Variants in BTNL3 observed in about 807,000 individuals in gnomAD.
The protein encoded by BTNL3 is butyrophilin like 3.
BTNL3 carries 20 observed loss-of-function variants against 40.1 expected under a neutral mutation model. The observed-to-expected ratio is 0.50, with a 90% CI of 0.35 to 0.72. The LOEUF is 0.72. BTNL3 is among the 30% of genes least tolerant of loss of function. The probability of loss-of-function intolerance (pLI) is 0.01; values close to 1 mark genes in which losing one functional copy is unlikely to be tolerated. For synonymous variants in BTNL3, 179 were observed against 222.1 expected, an observed-to-expected ratio of 0.81 and a Z score of 1.73; for missense variants, 449 against 582.2, an observed-to-expected ratio of 0.77 and a Z score of 2.35.
Position 181,005,514 on chromosome 5 carries a change from G to T in BTNL3, c.1043G>T (p.Gly348Val), listed in dbSNP as rs1349216688. 1 of 1,614,142 alleles carries T rather than the reference G, an allele frequency of 6.2e-7. No individual in the cohort carries two copies. Among genetic ancestry groups the T allele is most frequent in the South Asian group, 1.1e-5 (1 of 91,076 alleles). ...AAACATTACTGGGAGGTGGACGTGG[G>T]ACAAAATGTAGGGTGGTATGTGGGA... The part of the protein sequence containing the change: ...AGKHYWEVDV[G>V]QNVGWYVGVC... Residue 348 changes from glycine to valine, a missense_variant, in exon 8 of 8, where the codon GGA (glycine) becomes GTA (valine). Gly to Val is a moderately radical substitution (Grantham distance 109). Around this residue, in one of 2 missense-constraint regions of BTNL3, gnomAD observed 323 missense variants for 464.9 expected, o/e 0.69. Transcript: ENST00000342868.
At position 180,992,924 on chromosome 5, in the gene BTNL3, G is replaced by T. The variant is rs377047279; in HGVS notation, c.161G>T (p.Arg54Leu). 1 of 1,463,108 alleles carries T rather than the reference G, an allele frequency of 6.8e-7. No homozygotes were observed. The highest frequency in any genetic ancestry group is 1.9e-5 in the Admixed American group (1 of 53,170). 90.6% of individuals were successfully genotyped at this position (1,463,108 alleles called of 1,614,324 possible). A position where few individuals can be genotyped will look rare whatever the true frequency, so the allele number is the denominator to read the frequency against. The change falls in exon 2 of 8, where the codon CGG becomes CTG. Residue 54 changes from arginine to leucine, a missense_variant. Transcript: ENST00000342868. ...PETSAEAMEVRFFRNQFHAVV... is the reference protein window; with the variant it reads ...PETSAEAMEVLFFRNQFHAVV... ...ACCAGTGCAGAGGCTATGGAAGTGC[G>T]GTTCTTCAGGAATCAGTTCCATGCT...
At chr5:180,997,130 G>A (rs1760044599) in intron 2 of BTNL3, 83 bp from the exon 3 acceptor site, 1 of 1,442,366 alleles carries the variant, frequency 6.9e-7, no homozygotes, top group African/African-American at 1.4e-5. Context: ...TGTGTTATGG[G>A]TACAGGCTTG....
In BTNL3 at chr5:180,997,229, T is replaced by A. The variant is rs202123434; in HGVS notation, c.414T>A (p.Pro138=). Residue 138 remains proline, a synonymous_variant, in exon 3 of 8, where the codon CCT becomes CCA. Coordinates refer to ENST00000342868, the MANE Select transcript of BTNL3 (RefSeq NM_197975.3). ...ELRVAALGSL[P]LISIVGYVDG... is the part of the protein sequence containing the mutation. The stretch of plus-strand genomic sequence containing the variant: ...TCTTCCCAGCACTGGGCTCACTTCC[T>A]CTCATTTCCATCGTGGGATATGTTG... 1.5e-5 allele frequency: 22 copies of A among 1,464,438 alleles called. 4 individuals are homozygous for A. The African/African-American group carries it at 2.3e-4, about 16-fold the overall frequency. 90.7% of individuals were successfully genotyped at this position (1,464,438 alleles called of 1,614,324 possible).
chr5:180,998,131 C>A (rs1417770666), intron 3 of BTNL3, among the ~76,000 whole-genome samples: 2 of 135,456 alleles, frequency 1.5e-5, no homozygotes, highest in Non-Finnish European at 3.4e-5. Flanking sequence ...ATCTCAATGG[C>A]AATTCATAAG....
chr5:181,003,887 T>C lies in BTNL3; in HGVS notation c.808+11T>C, dbSNP rs1266206815. 10 of 1,614,022 alleles carry C rather than the reference T, an allele frequency of 6.2e-6. No homozygotes were observed. The highest frequency in any genetic ancestry group is 7.6e-6 in the Non-Finnish European group (9 of 1,180,038). On this transcript the variant is annotated intron_variant, in intron 5 of 7. Transcript: ENST00000342868. The stretch of plus-strand genomic sequence containing the variant: ...TCCAGGCGGAACTGGGTATGTGTCA[T>C]GTCCTGAGCCTCCCACACATGGTTC...
intron 3 of BTNL3, among the ~76,000 whole-genome samples, chr5:181,000,978 A>C (rs1760101215): frequency 7.3e-6 from 1 of 136,232 alleles, no homozygotes; most frequent in African/African-American, 2.5e-5. Flanking sequence ...TTTAGAAAGA[A>C]AAAAATTAAA....
Position 180,988,954 on chromosome 5 carries a change from C to A in BTNL3, c.-75C>A. On this transcript the variant is annotated 5_prime_UTR_variant, in exon 1 of 8. Coordinates refer to ENST00000342868, the MANE Select transcript of BTNL3 (RefSeq NM_197975.3). ...CGGCTCCTGCGCCTGAGACAGCTGG[C>A]CTGACCTCCAAATCATCCATCCACC... 1.4e-6 allele frequency: 2 copies of A among 1,389,128 alleles called. 1 individual carries two copies. 86.1% of individuals were successfully genotyped at this position (1,389,128 alleles called of 1,614,324 possible).
At chr5:180,989,706 G>A (rs1459571720) in intron 1 of BTNL3, among the ~76,000 whole-genome samples, 1 of 134,874 alleles carries the variant, frequency 7.4e-6, no homozygotes, top group Non-Finnish European at 1.7e-5. Context: ...AGAGATAGGG[G>A]CTGGAGTAGA....
chr5:180,993,949 C>A (rs192516309), intron 2 of BTNL3, among the ~76,000 whole-genome samples: 1 of 136,046 alleles, frequency 7.4e-6, no homozygotes, highest in Non-Finnish European at 1.7e-5. Context: ...TACAGGCATG[C>A]GCCACCACAC....
rs1760226512 is a variant in BTNL3 at position 181,006,066 on chromosome 5, A to T, written c.*194A>T. 2 of 617,258 alleles carry T rather than the reference A, an allele frequency of 3.2e-6. No individual in the cohort carries two copies. The highest frequency in any genetic ancestry group is 6.5e-5 in the Admixed American group (2 of 30,780). The allele number at this position is 617,258 out of a possible 1,614,324, so 38.2% of individuals were successfully genotyped here. On this transcript the variant is annotated 3_prime_UTR_variant, in exon 8 of 8. Coordinates refer to ENST00000342868, the MANE Select transcript of BTNL3 (RefSeq NM_197975.3). ...CAGCGGCAGTCACAGCTTCCAGATG[A>T]GGGGGGATTGGCCTGACCCTGTGGG...
chr5:181,002,659 G>A lies in BTNL3; in HGVS notation c.674-13G>A. ...CTTAGCTATCACTAAGGGTCTGTGG[G>A]ACTGTTTTTCAGAGACGTTTTTCCA... On this transcript the variant is annotated splice_polypyrimidine_tract_variant and intron_variant, in intron 3 of 7. Coordinates refer to ENST00000342868, the MANE Select transcript of BTNL3 (RefSeq NM_197975.3). 1 of 1,452,656 alleles carries A rather than the reference G, an allele frequency of 6.9e-7. No individual in the cohort carries two copies. The highest frequency in any genetic ancestry group is 1.1e-5 in the South Asian group (1 of 89,054). The allele number at this position is 1,452,656 out of a possible 1,614,324, so 90.0% of individuals were successfully genotyped here.
In BTNL3 at chr5:181,005,992, C is replaced by T. The variant is rs552573406; in HGVS notation, c.*120C>T. ...GAGCCTGCGCACAGAGAGTCACGCC[C>T]CCCACTCTCCTTTAGGGAGCTGAGG... On this transcript the variant is annotated 3_prime_UTR_variant, in exon 8 of 8. Transcript: ENST00000342868. 4.6e-5 allele frequency: 53 copies of T among 1,142,224 alleles called. No individual in the cohort carries two copies. In the South Asian group the frequency reaches 8.1e-4, roughly 17 times the overall value. 70.8% of individuals were successfully genotyped at this position (1,142,224 alleles called of 1,614,324 possible).
In BTNL3 at chr5:181,005,774, T is replaced by A; in HGVS notation, c.1303T>A (p.Cys435Ser). ...DQSLIYTLLT[C>S]QFEGLLRPYI... ...GTCCCTTATTTATACCCTGCTGACATGTCAGTTTGAAGGCTTGTTGAGACC... is the reference window on the plus strand; with the variant it reads ...GTCCCTTATTTATACCCTGCTGACAAGTCAGTTTGAAGGCTTGTTGAGACC... Residue 435 changes from cysteine (C) to serine (S), a missense_variant, in exon 8 of 8, where the codon TGT (cysteine) becomes AGT (serine). Coordinates refer to ENST00000342868, the MANE Select transcript of BTNL3 (RefSeq NM_197975.3). 1 of 1,614,102 alleles carries A rather than the reference T, an allele frequency of 6.2e-7. No individual in the cohort carries two copies. Among genetic ancestry groups the A allele is most frequent in the Non-Finnish European group, 8.5e-7 (1 of 1,180,000 alleles).
Position 180,997,425 on chromosome 5 carries a change from A to G in BTNL3, c.610A>G (p.Ile204Val). 6.8e-7 allele frequency: 1 copy of G among 1,463,324 alleles called. No homozygotes were observed. The highest frequency in any genetic ancestry group is 9.4e-7 in the Non-Finnish European group (1 of 1,058,870). The allele number at this position is 1,463,324 out of a possible 1,614,324, so 90.6% of individuals were successfully genotyped here. A position where few individuals can be genotyped will look rare whatever the true frequency, so the allele number is the denominator to read the frequency against. Residue 204 changes from isoleucine to valine, a missense_variant, in exon 3 of 8, where the codon ATA (isoleucine) becomes GTA (valine). Ile to Val is a conservative substitution (Grantham distance 29). Transcript: ENST00000342868. ...TATAGTCCAGGAAAATGCTGGGAGC[A>G]TATTGTGTTCCATCCACCTTGCTGA... ...SIIVQENAGS[I>V]LCSIHLAEQS...
Position 181,006,126 on chromosome 5 carries a change from G to C in BTNL3, c.*254G>C. ...CCATGGCTGCCCTGAAGTGGGGACG[G>C]AATAGACTCACATTAGGTTTAGTTT... is the stretch of plus-strand genomic sequence containing the variant. On this transcript the variant is annotated 3_prime_UTR_variant, in exon 8 of 8. Transcript: ENST00000342868. 1 of 471,912 alleles carries C rather than the reference G, an allele frequency of 2.1e-6. No homozygotes were observed. Among genetic ancestry groups the C allele is most frequent in the Non-Finnish European group, 3.7e-6 (1 of 270,908 alleles). 29.2% of individuals were successfully genotyped at this position (471,912 alleles called of 1,614,324 possible).
Position 181,005,764 on chromosome 5 carries a change from C to T in BTNL3, c.1293C>T (p.Thr431=). 1.2e-6 allele frequency: 2 copies of T among 1,614,102 alleles called. No individual in the cohort carries two copies. The highest frequency in any genetic ancestry group is 1.7e-6 in the Non-Finnish European group (2 of 1,180,020). Residue 431 remains threonine (T), a synonymous_variant, in exon 8 of 8, where the codon ACC becomes ACT. Coordinates refer to ENST00000342868, the MANE Select transcript of BTNL3 (RefSeq NM_197975.3). ...CAAATGACCAGTCCCTTATTTATAC[C>T]CTGCTGACATGTCAGTTTGAAGGCT... The part of the protein sequence containing the change: ...FNTNDQSLIY[T]LLTCQFEGLL...
intron 1 of BTNL3, among the ~76,000 whole-genome samples, chr5:180,990,336 C>A (rs1169651037): frequency 1.5e-5 from 2 of 137,714 alleles, no homozygotes; most frequent in Non-Finnish European, 3.3e-5. Context: ...TTAAAACTTT[C>A]CTTTTCTCTA....
chr5:180,996,988 T>C (rs1444565489), intron 2 of BTNL3, among the ~76,000 whole-genome samples: 2 of 135,926 alleles, frequency 1.5e-5, no homozygotes, highest in East Asian at 4.3e-4. Flanking sequence ...ACATAGACCA[T>C]GGAAGGGCTT....
chr5:180,999,986 C>A lies in BTNL3; in HGVS notation c.673+2498C>A, dbSNP rs752840116. 2.9e-5 allele frequency among the ~76,000 whole-genome samples: 4 copies of A among 136,134 alleles called. 2 individuals carry two copies. The highest frequency in any genetic ancestry group is 6.7e-5 in the Non-Finnish European group (4 of 59,676). 89.3% of individuals were successfully genotyped at this position (136,134 alleles called of 152,430 possible). ...ATATTCAAGAAAAGAGAAAATGTATCTTTCAGAAAGTCGGCCAGAGAGCAG... is the reference window on the plus strand; with the variant it reads ...ATATTCAAGAAAAGAGAAAATGTATATTTCAGAAAGTCGGCCAGAGAGCAG... On this transcript the variant is annotated intron_variant, in intron 3 of 7. Transcript: ENST00000342868.
Sources: allele counts gnomAD v4.1 joint callset (sites outside exome capture counted in the v4.1 genomes callset), GRCh38; gene constraint gnomAD v4.1.1; regional missense constraint gnomAD v4.1.1; transcripts MANE v1.5; gene names NCBI Gene and HGNC (gene_info 2026-07-23, HGNC 2026-07-21).